The following IFT80 variants were observed in gnomAD, a reference collection of about 807,000 sequenced individuals.
IFT80 encodes intraflagellar transport protein 80 homolog.
A neutral mutation model predicts 107.9 loss-of-function variants in IFT80; 79 were observed. The ratio of observed to expected loss-of-function variants is 0.73; its 90% CI spans 0.61 to 0.88. The LOEUF is 0.88. IFT80 is among the 40% of genes least tolerant of loss of function. The probability of loss-of-function intolerance (pLI) is 0.00; values close to 1 mark genes in which losing one functional copy is unlikely to be tolerated. For missense variants in IFT80, 797 were observed against 914.2 expected, an observed-to-expected ratio of 0.87 and a Z score of 1.65; for synonymous variants, 299 against 300.9, an observed-to-expected ratio of 0.99 and a Z score of 0.07.
chr3:160,288,490 G>A (rs1715271548), intron 12 of IFT80, among the ~76,000 whole-genome samples: 1 of 152,134 alleles, frequency 6.6e-6, no homozygotes, highest in South Asian at 2.1e-4. Context: ...TTGACAAATA[G>A]AATCTAATTA....
chr3:160,362,108 C>T (rs1303710242), intron 6 of IFT80, among the ~76,000 whole-genome samples: 2 of 151,918 alleles, frequency 1.3e-5, no homozygotes, highest in Admixed American at 1.3e-4. Context: ...TTGAAAAGAT[C>T]CACAAAATTG....
rs367915575 is a variant in IFT80 at position 160,277,356 on chromosome 3, G to A, written c.2049C>T (p.Gly683=). ...QEAEIVLLQA[G]LVYQAIQINI... is the part of the protein sequence containing the mutation. ...TGATCTGGATTGCTTGATAAACAAGGCCAGCCTGAAGAAGTACTATTTCAG... is the reference window on the plus strand; with the variant it reads ...TGATCTGGATTGCTTGATAAACAAGACCAGCCTGAAGAAGTACTATTTCAG... Residue 683 remains glycine, a synonymous_variant, in exon 18 of 20, where the codon GGC becomes GGT. Transcript: ENST00000326448. 3.0e-5 allele frequency: 49 copies of A among 1,613,480 alleles called. No individual in the cohort carries two copies. In the African/African-American group the frequency reaches 5.6e-4, roughly 18 times the overall value.
At chr3:160,313,029 T>A (rs1352540431) in intron 9 of IFT80, among the ~76,000 whole-genome samples, 3 of 90,340 alleles carry the variant, frequency 3.3e-5, no homozygotes, top group Non-Finnish European at 6.1e-5. Flanking sequence ...ATATATATTA[T>A]ATATAAATAT....
At chr3:160,379,003 C>G (rs1712261490) in intron 3 of IFT80, among the ~76,000 whole-genome samples, 1 of 152,030 alleles carries the variant, frequency 6.6e-6, no homozygotes, top group South Asian at 2.1e-4. Context: ...CTCAAAGTAT[C>G]TTTTCATAAA....
chr3:160,291,948 A>T (rs1393507381), intron 12 of IFT80, among the ~76,000 whole-genome samples: 1 of 152,206 alleles, frequency 6.6e-6, no homozygotes, highest in African/African-American at 2.4e-5. Context: ...GCAGAGATGA[A>T]CTGAATCTAG....
intron 5 of IFT80, among the ~76,000 whole-genome samples, chr3:160,366,609 T>A (rs1721884676): frequency 6.6e-6 from 1 of 152,106 alleles, no homozygotes; most frequent in Non-Finnish European, 1.5e-5. Context: ...GATGTTGGTT[T>A]AAAGCAGCAG....
At chr3:160,396,485 G>A (rs1259518271) in intron 1 of IFT80, among the ~76,000 whole-genome samples, 2 of 152,088 alleles carry the variant, frequency 1.3e-5, no homozygotes, top group Non-Finnish European at 2.9e-5. Flanking sequence ...TTGTTAAAAT[G>A]ATGAAAAAAC....
At chr3:160,370,360 A>T (rs1020894936) in intron 5 of IFT80, among the ~76,000 whole-genome samples, 4 of 151,176 alleles carry the variant, frequency 2.6e-5, no homozygotes, top group African/African-American at 9.7e-5. Context: ...TATTGTTCAT[A>T]GTAGTAGCCA....
At chr3:160,314,069 ACACT>A (rs1717610047) in intron 9 of IFT80, among the ~76,000 whole-genome samples, 1 of 152,204 alleles carries the variant, frequency 6.6e-6, no homozygotes, top group Non-Finnish European at 1.5e-5. Context: ...CATTTGCAAA[ACACT>A]CATTTAATCC....
chr3:160,285,321 C>A (rs1715007387), intron 13 of IFT80, among the ~76,000 whole-genome samples: 1 of 152,158 alleles, frequency 6.6e-6, no homozygotes, highest in Non-Finnish European at 1.5e-5. Flanking sequence ...ATGCAATGTG[C>A]TTCTTTTTCT....
chr3:160,275,190 G>A (rs1714163067), intron 18 of IFT80, among the ~76,000 whole-genome samples: 1 of 152,172 alleles, frequency 6.6e-6, no homozygotes, highest in Non-Finnish European at 1.5e-5. Context: ...AATAAGTGGA[G>A]GCCAGTGTTT....
At chr3:160,385,869 A>C (rs1222096801) in intron 1 of IFT80, among the ~76,000 whole-genome samples, 2 of 152,232 alleles carry the variant, frequency 1.3e-5, no homozygotes, top group Admixed American at 1.3e-4. Flanking sequence ...ATTGAAATTT[A>C]CTCAGCTTAT....
intron 12 of IFT80, chr3:160,299,305 G>A (rs757038677): frequency 1.0e-6 from 1 of 956,624 alleles, no homozygotes; most frequent in Admixed American, 3.9e-5. Flanking sequence ...GCTCTATTTA[G>A]GAGAGTTATA....
chr3:160,372,565 T>C (rs1318945146), intron 5 of IFT80, among the ~76,000 whole-genome samples: 2 of 152,208 alleles, frequency 1.3e-5, no homozygotes, highest in African/African-American at 4.8e-5. Flanking sequence ...AAAAATCAGA[T>C]GCATAGTTCT....
chr3:160,275,135 A>G (rs1714156327), intron 18 of IFT80, among the ~76,000 whole-genome samples: 1 of 152,256 alleles, frequency 6.6e-6, no homozygotes, highest in Non-Finnish European at 1.5e-5. Flanking sequence ...CATGATATAT[A>G]GCAAGTGTCT....
intron 13 of IFT80, among the ~76,000 whole-genome samples, chr3:160,285,229 G>C (rs956035406): frequency 6.6e-6 from 1 of 152,042 alleles, no homozygotes; most frequent in Non-Finnish European, 1.5e-5. Flanking sequence ...ATATAATTTT[G>C]AGTAACAGTT....
chr3:160,373,008 A>G (rs762952720), intron 5 of IFT80, among the ~76,000 whole-genome samples: 2 of 152,186 alleles, frequency 1.3e-5, no homozygotes, highest in Non-Finnish European at 2.9e-5. Context: ...ATTTCACTGT[A>G]AGTGAAATTT....
chr3:160,354,407 T>C (rs536084950), intron 8 of IFT80, among the ~76,000 whole-genome samples: 2 of 152,222 alleles, frequency 1.3e-5, no homozygotes, highest in South Asian at 4.2e-4. Context: ...CCCAGCACTT[T>C]GGGAGGCTGA....
chr3:160,351,524 T>C (rs1720695084), intron 8 of IFT80, among the ~76,000 whole-genome samples: 2 of 147,304 alleles, frequency 1.4e-5, no homozygotes, highest in Non-Finnish European at 3.0e-5. Flanking sequence ...CCAGAAAGAT[T>C]TGAACAAATA....
Sources: gnomAD v4.1 joint callset for allele counts (sites outside exome capture counted in the v4.1 genomes callset) on GRCh38, gnomAD v4.1.1 for gene constraint, MANE v1.5 for transcripts, NCBI Gene and HGNC (gene_info 2026-07-23, HGNC 2026-07-21) for gene names.